The following LRMDA variants were observed in gnomAD, a reference collection of about 807,000 sequenced individuals.
LRMDA encodes leucine rich melanocyte differentiation associated.
In LRMDA, 18 loss-of-function variants were observed where a neutral mutation model predicts 29.8. That is an observed-to-expected ratio of 0.60 (90% CI 0.42 to 0.90). The LOEUF is 0.90. LRMDA is among the 40% of genes least tolerant of loss of function. LRMDA has a pLI of 0.00. For synonymous variants in LRMDA, 125 were observed against 109.4 expected, an observed-to-expected ratio of 1.14 and a Z score of -0.89; for missense variants, 273 against 273.9, an observed-to-expected ratio of 1.00 and a Z score of 0.02.
intron 6 of LRMDA, among the ~76,000 whole-genome samples, chr10:76,407,317 A>G (rs1309020127): frequency 1.3e-5 from 2 of 152,242 alleles, no homozygotes; most frequent in African/African-American, 2.4e-5. Flanking sequence ...AAATAATAAT[A>G]ACAAACAAAA....
intron 2 of LRMDA, among the ~76,000 whole-genome samples, chr10:75,477,600 T>C (rs977798930): frequency 2.0e-5 from 3 of 152,184 alleles, no homozygotes; most frequent in Non-Finnish European, 4.4e-5. Flanking sequence ...GAGGCCCCCA[T>C]GACAGCCAAG....
chr10:75,616,282 C>CAGCAGT (rs1385861555), intron 2 of LRMDA, among the ~76,000 whole-genome samples: 13 of 150,956 alleles, frequency 8.6e-5, no homozygotes, highest in African/African-American at 3.2e-4. Flanking sequence ...GCAGCAGCAG[C>CAGCAGT]AGTAGTAGTA....
intron 2 of LRMDA, among the ~76,000 whole-genome samples, chr10:75,487,196 C>T (rs1002121415): frequency 3.9e-5 from 6 of 152,224 alleles, no homozygotes; most frequent in Admixed American, 2.6e-4. Context: ...TTCTAGACTT[C>T]AAATCAGTTT....
intron 2 of LRMDA, among the ~76,000 whole-genome samples, chr10:75,687,231 A>T (rs187939711): frequency 6.6e-6 from 1 of 152,370 alleles, no homozygotes; most frequent in East Asian, 1.9e-4. Flanking sequence ...GTCAAAAGCC[A>T]AGACAGTCCA....
chr10:76,014,311 CCCTGA>C (rs1847847398), intron 2 of LRMDA, among the ~76,000 whole-genome samples: 1 of 151,634 alleles, frequency 6.6e-6, no homozygotes, highest in African/African-American at 2.4e-5. Context: ...GTTTGCTGAT[CCCTGA>C]CCTTACGGGG....
intron 2 of LRMDA, among the ~76,000 whole-genome samples, chr10:75,951,038 C>T (rs999083172): frequency 3.3e-5 from 5 of 152,278 alleles, no homozygotes; most frequent in East Asian, 1.9e-4. Flanking sequence ...GGCCCAATAT[C>T]GCCTGTGAAC....
At chr10:75,882,171 G>C (rs1045997859) in intron 2 of LRMDA, among the ~76,000 whole-genome samples, 2 of 152,186 alleles carry the variant, frequency 1.3e-5, no homozygotes, top group Admixed American at 1.3e-4. Context: ...GAAGGAAGAC[G>C]GGCAAAACTG....
chr10:75,676,368 A>C (rs1841960374), intron 2 of LRMDA, among the ~76,000 whole-genome samples: 1 of 152,214 alleles, frequency 6.6e-6, no homozygotes. Context: ...GATAGTTTGG[A>C]TGAAATGATC....
At chr10:75,533,773 G>C (rs979506431) in intron 2 of LRMDA, among the ~76,000 whole-genome samples, 5 of 152,146 alleles carry the variant, frequency 3.3e-5, no homozygotes, top group Admixed American at 1.3e-4. Flanking sequence ...CCACTCAGAG[G>C]ATGAGAGGAG....
chr10:75,923,658 T>G (rs1346858552), intron 2 of LRMDA, among the ~76,000 whole-genome samples: 1 of 152,196 alleles, frequency 6.6e-6, no homozygotes, highest in Non-Finnish European at 1.5e-5. Flanking sequence ...TCAATGCCAT[T>G]TTTTATGTGT....
intron 2 of LRMDA, among the ~76,000 whole-genome samples, chr10:75,925,402 G>C (rs1846103542): frequency 6.6e-6 from 1 of 152,184 alleles, no homozygotes; most frequent in South Asian, 2.1e-4. Context: ...AGTTGCTTGA[G>C]AGTGTTAGCG....
intron 2 of LRMDA, among the ~76,000 whole-genome samples, chr10:75,909,154 A>G (rs958958773): frequency 6.6e-6 from 1 of 152,218 alleles, no homozygotes; most frequent in African/African-American, 2.4e-5. Flanking sequence ...ATAGTAAGGG[A>G]GCTATACAAG....
chr10:76,327,259 T>C (rs1317204159), intron 6 of LRMDA, among the ~76,000 whole-genome samples: 2 of 151,984 alleles, frequency 1.3e-5, no homozygotes, highest in Admixed American at 6.6e-5. Context: ...GCCTGGCTAA[T>C]TTTTTGTATC....
chr10:75,931,760 T>C (rs1371086810), intron 2 of LRMDA, among the ~76,000 whole-genome samples: 1 of 152,244 alleles, frequency 6.6e-6, no homozygotes, highest in Non-Finnish European at 1.5e-5. Flanking sequence ...AATACTGAGC[T>C]ACCTGCTTCT....
chr10:76,008,214 C>A (rs7913317), intron 2 of LRMDA, among the ~76,000 whole-genome samples: 1 of 152,046 alleles, frequency 6.6e-6, no homozygotes, highest in Non-Finnish European at 1.5e-5. Context: ...CAAAATGGTT[C>A]TTTCAGAGTG....
At chr10:76,262,529 C>T (rs747820347) in intron 5 of LRMDA, among the ~76,000 whole-genome samples, 1 of 152,170 alleles carries the variant, frequency 6.6e-6, no homozygotes, top group Non-Finnish European at 1.5e-5. Flanking sequence ...CATCTTCTGT[C>T]AAGTGAAAGA....
rs933301626 is a variant in LRMDA at position 76,208,544 on chromosome 10, G to A, written c.517-115857G>A. On this transcript the variant is annotated intron_variant, in intron 5 of 6. Coordinates refer to ENST00000611255, the MANE Select transcript of LRMDA (RefSeq NM_001305581.2). ...ACCTGACTGGGGCTAAGAAGGGACA[G>A]ATTCTACCCCAGAGCCTGGTCCAGC... 3.9e-5 allele frequency among the ~76,000 whole-genome samples: 6 copies of A among 152,326 alleles called. No homozygotes were observed. The East Asian group carries it at 9.7e-4, about 25-fold the overall frequency.
rs1459059050 is a variant in LRMDA, at chr10:75,688,230, GTAAATT to G, written c.131+249737_131+249742del. Among the ~76,000 whole-genome samples, 46 of 152,314 alleles carry G rather than the reference GTAAATT, an allele frequency of 3.0e-4. No homozygotes were observed. The East Asian group carries it at 8.1e-3, about 27-fold the overall frequency. The stretch of plus-strand genomic sequence containing the variant: ...TGATTTCTCTGATGGATCTGTCAAA[GTAAATT>G]GAAAACCTTCTGGAAAGGATTCACC... On this transcript the variant is annotated intron_variant, in intron 2 of 6. Coordinates refer to ENST00000611255, the MANE Select transcript of LRMDA (RefSeq NM_001305581.2).
At chr10:75,985,739 T>A (rs1166866674) in intron 2 of LRMDA, among the ~76,000 whole-genome samples, 1 of 151,906 alleles carries the variant, frequency 6.6e-6, no homozygotes, top group Non-Finnish European at 1.5e-5. Context: ...TGGAGGGAGG[T>A]GGGAGGAGTT....
Sources: gnomAD v4.1 joint callset for allele counts (sites outside exome capture counted in the v4.1 genomes callset) on GRCh38, gnomAD v4.1.1 for gene constraint, MANE v1.5 for transcripts, NCBI Gene and HGNC (gene_info 2026-07-23, HGNC 2026-07-21) for gene names.